CAMK1D: variants seen among roughly 807,000 people sequenced by gnomAD.
The protein encoded by CAMK1D is calcium/calmodulin dependent protein kinase ID.
CAMK1D carries 9 observed loss-of-function variants against 47.7 expected under a neutral mutation model. The observed-to-expected ratio is 0.19, with a 90% CI of 0.11 to 0.33. The LOEUF is 0.33. CAMK1D is among the 10% of genes least tolerant of loss of function. CAMK1D has a pLI of 1.00. For synonymous variants in CAMK1D, 184 were observed against 184.9 expected, an observed-to-expected ratio of 0.99 and a Z score of 0.04; for missense variants, 291 against 488.7, an observed-to-expected ratio of 0.60 and a Z score of 3.81.
In CAMK1D at chr10:12,829,152, C is replaced by T; in HGVS notation, c.*265C>T. ...TCTTGCAAAGCTCTAACTGAACGGA[C>T]CTTCTTATTCCTCTCCCCTAACACC... On this transcript the variant is annotated 3_prime_UTR_variant, in exon 11 of 11. Coordinates refer to ENST00000619168, the MANE Select transcript of CAMK1D (RefSeq NM_153498.4). The T allele has an allele frequency of 2.7e-6, 1 of 367,448 alleles. No homozygotes were observed. Among genetic ancestry groups the T allele is most frequent in the Non-Finnish European group, 4.9e-6 (1 of 204,792 alleles). 22.8% of individuals were successfully genotyped at this position (367,448 alleles called of 1,614,324 possible).
At chr10:12,605,337 A>AGTGTGTGGGTGT (rs1838421847) in intron 2 of CAMK1D, among the ~76,000 whole-genome samples, 1 of 145,102 alleles carries the variant, frequency 6.9e-6, no homozygotes, top group Non-Finnish European at 1.5e-5. Flanking sequence ...AAACCATTCA[A>AGTGTGTGGGTGT]GTGTGTGTGT....
intron 1 of CAMK1D, among the ~76,000 whole-genome samples, chr10:12,459,227 A>G (rs1833351730): frequency 6.6e-6 from 1 of 152,190 alleles, no homozygotes; most frequent in Non-Finnish European, 1.5e-5. Flanking sequence ...TAAGTTTCAA[A>G]TAAAAAAAAC....
intron 1 of CAMK1D, among the ~76,000 whole-genome samples, chr10:12,485,817 A>G (rs980614601): frequency 3.9e-5 from 6 of 152,336 alleles, no homozygotes; most frequent in African/African-American, 1.4e-4. Flanking sequence ...CATATTAACT[A>G]GGGCTTAAGA....
intron 2 of CAMK1D, among the ~76,000 whole-genome samples, chr10:12,612,885 A>G (rs4301695): frequency 0.48 from 72,817 of 152,074 alleles, 18,967 homozygotes; most frequent in East Asian, 0.59. Flanking sequence ...TAGTCTTGGC[A>G]CGTGGTCTTG....
At chr10:12,352,115 A>G (rs1333826503) in intron 1 of CAMK1D, among the ~76,000 whole-genome samples, 1 of 152,186 alleles carries the variant, frequency 6.6e-6, no homozygotes, top group African/African-American at 2.4e-5. Context: ...TGAGAAAACT[A>G]AGGCAGCAGA....
At chr10:12,820,513 C>T (rs17152317) in intron 8 of CAMK1D, among the ~76,000 whole-genome samples, 4,752 of 152,318 alleles carry the variant, frequency 0.031, 256 homozygotes, top group African/African-American at 0.11. Context: ...GTCATTCCTC[C>T]AGGCGGCCCC....
At position 12,482,149 on chromosome 10, in the gene CAMK1D, C is replaced by T. The variant is rs77886698; in HGVS notation, c.93-71076C>T. On this transcript the variant is annotated intron_variant, in intron 1 of 10. Transcript: ENST00000619168. ...CAGAAGCAACAATTACCTCTTTAATCCTCTTAGCTTGTCTCTGAAAAGAGG... is the reference window on the plus strand; with the variant it reads ...CAGAAGCAACAATTACCTCTTTAATTCTCTTAGCTTGTCTCTGAAAAGAGG... Among the ~76,000 whole-genome samples, 46 of 152,294 alleles carry T rather than the reference C, an allele frequency of 3.0e-4. No homozygotes were observed. In the East Asian group the frequency reaches 8.3e-3, roughly 27 times the overall value.
chr10:12,674,232 G>C (rs1840720885), intron 3 of CAMK1D, among the ~76,000 whole-genome samples: 1 of 152,180 alleles, frequency 6.6e-6, no homozygotes, highest in Admixed American at 6.5e-5. Flanking sequence ...ACTGCTCCTG[G>C]CCCCCATCTT....
intron 3 of CAMK1D, among the ~76,000 whole-genome samples, chr10:12,715,061 G>A (rs377225646): frequency 1.3e-5 from 2 of 151,804 alleles, no homozygotes; most frequent in African/African-American, 2.4e-5. Flanking sequence ...TCCTTCTATC[G>A]AACTGTATGT....
intron 5 of CAMK1D, among the ~76,000 whole-genome samples, chr10:12,781,792 C>T (rs547097138): frequency 1.1e-4 from 16 of 152,066 alleles, no homozygotes; most frequent in African/African-American, 1.9e-4. Context: ...GCTGGGATTA[C>T]AAGCACGCAT....
chr10:12,506,995 G>A (rs1425577428), intron 1 of CAMK1D, among the ~76,000 whole-genome samples: 1 of 152,208 alleles, frequency 6.6e-6, no homozygotes, highest in East Asian at 1.9e-4. Flanking sequence ...ATATAGAACT[G>A]AGAACAGTTT....
At chr10:12,769,613 T>G in intron 4 of CAMK1D, 60 bp from the exon 5 acceptor site, 3 of 1,587,470 alleles carry the variant, frequency 1.9e-6, no homozygotes, top group Non-Finnish European at 2.6e-6. Context: ...GAATGAGTCT[T>G]CCACAATTAA....
intron 2 of CAMK1D, among the ~76,000 whole-genome samples, chr10:12,554,831 A>G (rs1449478097): frequency 6.6e-6 from 1 of 152,322 alleles, no homozygotes; most frequent in South Asian, 2.1e-4. Context: ...GGCATGAGCC[A>G]TGGCGCCTGG....
chr10:12,452,107 A>G (rs143884874), intron 1 of CAMK1D, among the ~76,000 whole-genome samples: 103 of 152,232 alleles, frequency 6.8e-4, no homozygotes, highest in African/African-American at 2.4e-3. Flanking sequence ...ATGTTTGCGG[A>G]TCCCTTTGCA....
intron 1 of CAMK1D, among the ~76,000 whole-genome samples, chr10:12,435,221 C>CAAAAAAAAA (rs910066372): frequency 1.5e-3 from 67 of 43,984 alleles, no homozygotes; most frequent in Admixed American, 2.2e-3. Flanking sequence ...AACTCTGTCT[C>CAAAAAAAAA]AAAAAAAAAA....
chr10:12,359,459 C>T (rs1182946035), intron 1 of CAMK1D, among the ~76,000 whole-genome samples: 2 of 151,834 alleles, frequency 1.3e-5, no homozygotes, highest in Non-Finnish European at 2.9e-5. Context: ...GGCCCAGCTC[C>T]GGTGCTGGAG....
chr10:12,663,428 G>T (rs934218603), intron 2 of CAMK1D, among the ~76,000 whole-genome samples: 1 of 152,158 alleles, frequency 6.6e-6, no homozygotes, highest in African/African-American at 2.4e-5. Flanking sequence ...CTAAGCAGAG[G>T]CATTATATCC....
intron 6 of CAMK1D, among the ~76,000 whole-genome samples, chr10:12,792,662 TG>T (rs199668667): frequency 0.018 from 2,727 of 152,348 alleles, 30 homozygotes; most frequent in Admixed American, 0.041. Flanking sequence ...TCAGCTGGGC[TG>T]CATTTGTAGT....
intron 3 of CAMK1D, among the ~76,000 whole-genome samples, chr10:12,668,982 A>C (rs1346124540): frequency 6.6e-6 from 1 of 152,210 alleles, no homozygotes; most frequent in Non-Finnish European, 1.5e-5. Flanking sequence ...CTGCAATCCC[A>C]GCACTTTGGG....
Sources: allele counts gnomAD v4.1 joint callset (sites outside exome capture counted in the v4.1 genomes callset), GRCh38; gene constraint gnomAD v4.1.1; transcripts MANE v1.5; gene names NCBI Gene and HGNC (gene_info 2026-07-23, HGNC 2026-07-21).